The following ZNF106 variants were observed in gnomAD, a reference collection of about 807,000 sequenced individuals.
ZNF106 encodes zinc finger protein 106, also known as SH3-domain binding protein 3.
In ZNF106, 67 loss-of-function variants were observed where a neutral mutation model predicts 195.1. That is an observed-to-expected ratio of 0.34 (90% confidence interval 0.28 to 0.42). ZNF106 has a LOEUF of 0.42. ZNF106 is among the 10% of genes least tolerant of loss of function. ZNF106 has a pLI of 1.00. For synonymous variants in ZNF106, 784 were observed against 818.6 expected, an observed-to-expected ratio of 0.96 and a Z score of 0.72; for missense variants, 2,118 against 2,304.5, an observed-to-expected ratio of 0.92 and a Z score of 1.66.
At chr15:42,453,788 G>C (rs558362129) in intron 4 of ZNF106, among the ~76,000 whole-genome samples, 29 of 152,220 alleles carry the variant, frequency 1.9e-4, no homozygotes, top group Non-Finnish European at 4.1e-4. Context: ...TAGAGACGGG[G>C]TTCCACCATG....
At chr15:42,478,518 T>TC (rs1247419648) in intron 1 of ZNF106, among the ~76,000 whole-genome samples, 1 of 133,096 alleles carries the variant, frequency 7.5e-6, no homozygotes, top group Non-Finnish European at 1.5e-5. Flanking sequence ...TTTTCTTTTT[T>TC]TTTTTTTTTT....
At chr15:42,423,144 G>C (rs1049795735) in intron 17 of ZNF106, among the ~76,000 whole-genome samples, 1 of 151,990 alleles carries the variant, frequency 6.6e-6, no homozygotes, top group Non-Finnish European at 1.5e-5. Context: ...GAGCTGGGCA[G>C]ATTACTTGAG....
At chr15:42,457,421 T>C (rs1043940231) in intron 3 of ZNF106, 13 of 1,348,552 alleles carry the variant, frequency 9.6e-6, no homozygotes, top group Non-Finnish European at 1.2e-5. Flanking sequence ...TCTTCTTGAA[T>C]TGCTGTACTT....
intron 1 of ZNF106, among the ~76,000 whole-genome samples, chr15:42,487,131 C>T (rs888889903): frequency 5.3e-5 from 8 of 151,708 alleles, no homozygotes; most frequent in South Asian, 2.1e-4. Flanking sequence ...GCCTGGGCAA[C>T]AAGAGTGAAA....
intron 6 of ZNF106, 148 bp downstream of exon 6, chr15:42,447,924 T>C (rs1050615163): frequency 2.2e-6 from 2 of 906,952 alleles, no homozygotes; most frequent in South Asian, 3.3e-5. Flanking sequence ...AAGAAACCAG[T>C]AGGATGAAAG....
chr15:42,444,034 C>A (rs1350321939), intron 9 of ZNF106, among the ~76,000 whole-genome samples, 168 bp downstream of exon 9: 6 of 142,872 alleles, frequency 4.2e-5, no homozygotes, highest in Non-Finnish European at 7.4e-5. Flanking sequence ...ATCACTTGAA[C>A]CTGGGAGGCA....
At chr15:42,447,291 G>A (rs1189841873) in intron 6 of ZNF106, among the ~76,000 whole-genome samples, 1 of 152,150 alleles carries the variant, frequency 6.6e-6, no homozygotes, top group Non-Finnish European at 1.5e-5. Flanking sequence ...GAGGCAGGAG[G>A]ACTGCTTGAG....
intron 2 of ZNF106, among the ~76,000 whole-genome samples, chr15:42,468,068 CTT>C (rs200457966): frequency 1.2e-4 from 12 of 102,130 alleles, no homozygotes; most frequent in Middle Eastern, 7.9e-3. Context: ...TTCAAAACGC[CTT>C]TTTTTTTTTT....
At chr15:42,489,056 C>T (rs181464779) in intron 1 of ZNF106, among the ~76,000 whole-genome samples, 208 of 142,630 alleles carry the variant, frequency 1.5e-3, no homozygotes, top group African/African-American at 5.1e-3. Context: ...CCAGCCTGGG[C>T]GACAAAGCAA....
In ZNF106 at chr15:42,448,597, G is replaced by C. The variant is rs868101185; in HGVS notation, c.2610C>G (p.Ser870=). 6.2e-7 allele frequency: 1 copy of C among 1,613,946 alleles called. No individual in the cohort carries two copies. Among genetic ancestry groups the C allele is most frequent in the African/African-American group, 1.3e-5 (1 of 74,910 alleles). The change falls in exon 6 of 22, where the codon TCC becomes TCG. Residue 870 remains serine, a synonymous_variant. Transcript: ENST00000564754. ...TTGCCAAGCCAGGGGACGAGGAAAT[G>C]GAAACACCTTCCCACTGGAATCCTT... ...SLEGFQWEGV[S]ISSSPGLARK... is the part of the protein sequence containing the mutation.
rs554375226 is a variant in ZNF106, at chr15:42,446,512, G to A, written c.3205+77C>T. The A allele has an allele frequency of 7.6e-5, 86 of 1,136,512 alleles. No homozygotes were observed. In the African/African-American group the frequency reaches 1.1e-3, roughly 15 times the overall value. 70.4% of individuals were successfully genotyped at this position (1,136,512 alleles called of 1,614,324 possible). ...GGATTGCTTGAGCCCAAGAGTTGGA[G>A]GTTACCAAAAACCCGCACCCCCCAA... is the stretch of plus-strand genomic sequence containing the variant. On this transcript the variant is annotated intron_variant, in intron 7 of 21. Transcript: ENST00000564754.
Position 42,435,241 on chromosome 15 carries a change from TACA to T in ZNF106, c.4881+140_4881+142del, listed in dbSNP as rs1430200146. 6.1e-6 allele frequency: 7 copies of T among 1,149,086 alleles called. No homozygotes were observed. In the African/African-American group the frequency reaches 1.1e-4, roughly 18 times the overall value. The allele number at this position is 1,149,086 out of a possible 1,614,324, so 71.2% of individuals were successfully genotyped here. A position where few individuals can be genotyped will look rare whatever the true frequency, so the allele number is the denominator to read the frequency against. On this transcript the variant is annotated intron_variant, in intron 14 of 21. Coordinates refer to ENST00000564754, the MANE Select transcript of ZNF106 (RefSeq NM_001366845.3). ...TGTAAGTCTCATATCTACCTAGGGCTACAACAATGTGCTAAACATTGTTTAGAA... is the reference window on the plus strand; with the variant it reads ...TGTAAGTCTCATATCTACCTAGGGCTACAATGTGCTAAACATTGTTTAGAA...
rs775512395 is a variant in ZNF106 at position 42,439,615 on chromosome 15, G to T, written c.3962C>A (p.Thr1321Asn). Reference protein sequence around the residue: ...SSINKEGEEPTKGNSGSEACT... With the variant: ...SSINKEGEEPNKGNSGSEACT... ...GGCTTCAGACCCACTATTGCCTTTG[G>T]TTGGCTCTTCCCCTTCTTTATTTAT... The change falls in exon 11 of 22, where the codon ACC (threonine) becomes AAC (asparagine). Residue 1321 changes from threonine (T) to asparagine (N), a missense_variant. Transcript: ENST00000564754. The T allele has an allele frequency of 6.2e-7, 1 of 1,613,918 alleles. No homozygotes were observed. Among genetic ancestry groups the T allele is most frequent in the South Asian group, 1.1e-5 (1 of 91,006 alleles).
intron 4 of ZNF106, 114 bp downstream of exon 4, chr15:42,456,844 C>G (rs1429213806): frequency 1.7e-5 from 17 of 981,750 alleles, no homozygotes; most frequent in Non-Finnish European, 2.1e-5. Flanking sequence ...CAACCTCAAG[C>G]TAAACTTTAT....
intron 11 of ZNF106, 115 bp from the exon 12 acceptor site, chr15:42,438,782 TAA>T (rs774335528): frequency 3.1e-6 from 3 of 977,098 alleles, no homozygotes; most frequent in Non-Finnish European, 4.6e-6. Flanking sequence ...AGCAATGATA[TAA>T]GAGATTAGAT....
At chr15:42,457,575 A>G (rs563423796) in intron 3 of ZNF106, 2 of 1,004,386 alleles carry the variant, frequency 2.0e-6, no homozygotes, top group Admixed American at 5.2e-5. Context: ...TTTAGTCTAG[A>G]GCTTTCTTCC....
rs758586262 is a variant in ZNF106 at position 42,451,372 on chromosome 15, T to C, written c.900A>G (p.Arg300=). The C allele has an allele frequency of 6.2e-7, 1 of 1,614,104 alleles. No homozygotes were observed. The highest frequency in any genetic ancestry group is 8.5e-7 in the Non-Finnish European group (1 of 1,179,968). Reference sequence around the variant, plus strand: ...CATTTTCTTGCCGCTGCCAATTATATCTGTCGTGACTGTATTTGTTTGACT... The same window carrying C: ...CATTTTCTTGCCGCTGCCAATTATACCTGTCGTGACTGTATTTGTTTGACT... ...SNKSNKYSHD[R]YNWQRQENDK... is the part of the protein sequence containing the mutation. Residue 300 remains arginine, a synonymous_variant, in exon 5 of 22, where the codon AGA becomes AGG. Transcript: ENST00000564754.
intron 15 of ZNF106, among the ~76,000 whole-genome samples, chr15:42,426,224 CCAGCCCTCATCTT>C (rs2054852257): frequency 6.6e-6 from 1 of 152,140 alleles, no homozygotes; most frequent in African/African-American, 2.4e-5. Context: ...AGGAAAAAGC[CCAGCCCTCATCTT>C]CAAAATTCAC....
intron 1 of ZNF106, among the ~76,000 whole-genome samples, chr15:42,477,367 A>C (rs536936436): frequency 1.3e-5 from 2 of 152,290 alleles, no homozygotes; most frequent in East Asian, 3.9e-4. Flanking sequence ...CTTTTTAATA[A>C]ACATTTTATT....
Sources: gnomAD v4.1 joint callset for allele counts (sites outside exome capture counted in the v4.1 genomes callset) on GRCh38, gnomAD v4.1.1 for gene constraint, MANE v1.5 for transcripts, NCBI Gene and HGNC (gene_info 2026-07-23, HGNC 2026-07-21) for gene names.